Variants in DCBLD1 observed in about 807,000 individuals in gnomAD.
DCBLD1 encodes discoidin, CUB and LCCL domain-containing protein 1.
In DCBLD1, 57 loss-of-function variants were observed where a neutral mutation model predicts 71.5. The ratio of observed to expected loss-of-function variants is 0.80; its 90% CI spans 0.64 to 0.99. The LOEUF (loss-of-function observed/expected upper bound fraction) is 0.99. Among genes scored for constraint, DCBLD1 ranks in the 50% least tolerant of loss-of-function variants. The probability of loss-of-function intolerance (pLI) is 0.00; values close to 1 mark genes in which losing one functional copy is unlikely to be tolerated. For missense variants in DCBLD1, 891 were observed against 923.5 expected, an observed-to-expected ratio of 0.96 and a Z score of 0.46; for synonymous variants, 380 against 363.8, an observed-to-expected ratio of 1.04 and a Z score of -0.51.
At chr6:117,484,383 C>A (rs1456941206) in intron 1 of DCBLD1, among the ~76,000 whole-genome samples, 1 of 152,192 alleles carries the variant, frequency 6.6e-6, no homozygotes, top group Non-Finnish European at 1.5e-5. Context: ...GTGTCTCACT[C>A]TGTCGCCCAG....
chr6:117,551,676 G>A (rs147551551), downstream of DCBLD1, among the ~76,000 whole-genome samples: 481 of 152,272 alleles, frequency 3.2e-3, 4 homozygotes, highest in African/African-American at 0.011. Flanking sequence ...ACCGCGCCCG[G>A]CTTCCCTTTA....
chr6:117,535,741 A>G (rs1778861760), intron 6 of DCBLD1, among the ~76,000 whole-genome samples: 1 of 152,208 alleles, frequency 6.6e-6, no homozygotes, highest in Admixed American at 6.5e-5. Context: ...TTTGAGCCAC[A>G]TTTCAAATGT....
chr6:117,540,513 G>A, intron 9 of DCBLD1, 155 bp from the exon 10 acceptor site: 1 of 836,584 alleles, frequency 1.2e-6, no homozygotes, highest in Non-Finnish European at 1.8e-6. Context: ...GCCCTTGTTT[G>A]CAAAGCCTCG....
intron 2 of DCBLD1, among the ~76,000 whole-genome samples, chr6:117,513,052 T>C (rs780557101): frequency 8.5e-5 from 13 of 152,178 alleles, no homozygotes; most frequent in Non-Finnish European, 8.8e-5. Context: ...CAAACAGTTT[T>C]TAACCAAACC....
At chr6:117,556,880 A>C (rs1779501577) in intron 14 of DCBLD1, among the ~76,000 whole-genome samples, 1 of 152,082 alleles carries the variant, frequency 6.6e-6, no homozygotes, top group African/African-American at 2.4e-5. Context: ...CCTCCCCAAC[A>C]TCTGTTTCTT....
In DCBLD1 at chr6:117,548,988, C is replaced by T; in HGVS notation, c.*549C>T. On this transcript the variant is annotated 3_prime_UTR_variant, in exon 15 of 15. Transcript: ENST00000338728. ...TAGAACTGAAAGCATTTTTAACATT[C>T]TTCTCCTGGAAGAAATGAATTACTT... 2 of 986,708 alleles carry T rather than the reference C, an allele frequency of 2.0e-6. No homozygotes were observed. The highest frequency in any genetic ancestry group is 3.5e-5 in the African/African-American group (2 of 57,348). The allele number at this position is 986,708 out of a possible 1,614,324, so 61.1% of individuals were successfully genotyped here.
intron 4 of DCBLD1, 104 bp from the exon 5 acceptor site, chr6:117,525,258 A>G (rs1374373395): frequency 1.4e-5 from 11 of 809,200 alleles, no homozygotes; most frequent in African/African-American, 1.8e-5. Flanking sequence ...TTAAAGCAAG[A>G]TATTATATGG....
chr6:117,523,807 C>A (rs1778459969), intron 4 of DCBLD1, among the ~76,000 whole-genome samples: 1 of 152,180 alleles, frequency 6.6e-6, no homozygotes, highest in African/African-American at 2.4e-5. Flanking sequence ...AAAACAACTT[C>A]TATTCTGGAA....
intron 5 of DCBLD1, among the ~76,000 whole-genome samples, chr6:117,529,297 G>A (rs1484867713): frequency 8.1e-6 from 1 of 123,852 alleles, no homozygotes; most frequent in Non-Finnish European, 1.7e-5. Flanking sequence ...ACGGAGGACA[G>A]AAAGTATTTA....
chr6:117,523,317 G>A (rs75006787), intron 4 of DCBLD1, among the ~76,000 whole-genome samples: 3,953 of 152,284 alleles, frequency 0.026, 78 homozygotes, highest in East Asian at 0.051. Context: ...TAATTATGAA[G>A]TATAGAAAGT....
At chr6:117,532,215 ACTGTGTT>A in intron 5 of DCBLD1, 38 bp from the exon 6 acceptor site, 1 of 1,546,486 alleles carries the variant, frequency 6.5e-7, no homozygotes, top group African/African-American at 1.4e-5. Flanking sequence ...CTATATTTTA[ACTGTGTT>A]CTTTTAAGTT....
chr6:117,558,842 G>T (rs1399684690), intron 14 of DCBLD1, among the ~76,000 whole-genome samples: 2 of 152,174 alleles, frequency 1.3e-5, no homozygotes, highest in African/African-American at 4.8e-5. Context: ...GAAAGTAAGT[G>T]TTCAACAAAA....
At chr6:117,526,111 G>A (rs540776219) in intron 5 of DCBLD1, among the ~76,000 whole-genome samples, 25 of 152,314 alleles carry the variant, frequency 1.6e-4, no homozygotes, top group Admixed American at 7.8e-4. Context: ...AGTTATTAAC[G>A]TGTATTTTTA....
chr6:117,569,771 C>A lies in DCBLD1; in HGVS notation c.*147C>A, dbSNP rs371936597. The stretch of plus-strand genomic sequence containing the variant: ...ACAAAGGGCAGTAAATTAAAGTACT[C>A]TTTGTAAGGTACAGTTACCGATTAA... On this transcript the variant is annotated 3_prime_UTR_variant, in exon 15 of 15. Coordinates refer to the DCBLD1 transcript ENST00000296955. The A allele has an allele frequency of 5.7e-5, 87 of 1,538,094 alleles. 1 individual carries two copies. The African/African-American group carries it at 1.0e-3, about 18-fold the overall frequency.
intron 14 of DCBLD1, among the ~76,000 whole-genome samples, chr6:117,556,233 A>G (rs1779493753): frequency 6.6e-6 from 1 of 152,010 alleles, no homozygotes; most frequent in Admixed American, 6.6e-5. Flanking sequence ...TTTTATCTTT[A>G]TAGGTTTAGG....
chr6:117,547,861 G>C (rs2114576310), intron 14 of DCBLD1, 46 bp from the exon 15 acceptor site: 2 of 1,550,116 alleles, frequency 1.3e-6, no homozygotes, highest in Admixed American at 3.9e-5. Flanking sequence ...TGACAGGCCG[G>C]CCCGTGTGTG....
At chr6:117,493,225 G>T (rs1274092881) in intron 1 of DCBLD1, among the ~76,000 whole-genome samples, 1 of 152,138 alleles carries the variant, frequency 6.6e-6, no homozygotes, top group Non-Finnish European at 1.5e-5. Context: ...GGATCCAACA[G>T]AACAGTCACT....
intron 14 of DCBLD1, chr6:117,566,853 C>A (rs1314100225): frequency 1.9e-6 from 3 of 1,540,274 alleles, no homozygotes; most frequent in Non-Finnish European, 2.6e-6. Context: ...GTGATTTTTA[C>A]CTTGTAATAC....
intron 11 of DCBLD1, among the ~76,000 whole-genome samples, chr6:117,541,297 A>T (rs1264075369): frequency 2.0e-5 from 3 of 146,396 alleles, no homozygotes; most frequent in Admixed American, 6.9e-5. Context: ...ATGCAGTGGA[A>T]CACTCTGCAG....
Sources: allele counts gnomAD v4.1 joint callset (sites outside exome capture counted in the v4.1 genomes callset), GRCh38; gene constraint gnomAD v4.1.1; transcripts MANE v1.5; gene names NCBI Gene and HGNC (gene_info 2026-07-23, HGNC 2026-07-21).